Variants in ATP6V1C2 observed in about 807,000 individuals in gnomAD.
The protein encoded by ATP6V1C2 is V-type proton ATPase subunit C 2.
ATP6V1C2 carries 45 observed loss-of-function variants against 56.8 expected under a neutral mutation model. The ratio of observed to expected loss-of-function variants is 0.79; its 90% CI spans 0.62 to 1.02. The LOEUF is 1.02. Among genes scored for constraint, ATP6V1C2 ranks in the 50% least tolerant of loss-of-function variants. The pLI, the probability that ATP6V1C2 is intolerant of heterozygous loss-of-function variation, is 0.00. For synonymous variants in ATP6V1C2, 220 were observed against 201.3 expected, an observed-to-expected ratio of 1.09 and a Z score of -0.79; for missense variants, 463 against 519.7, an observed-to-expected ratio of 0.89 and a Z score of 1.06.
Position 10,764,472 on chromosome 2 carries a change from C to T in ATP6V1C2, c.378+47C>T, listed in dbSNP as rs373771274. The stretch of plus-strand genomic sequence containing the variant: ...GGGAACAGCTGACTGGTGGGTCAGG[C>T]GGGCAAGAGCCTGGGTAGGGCCCCC... On this transcript the variant is annotated intron_variant, in intron 5 of 13. Coordinates refer to ENST00000272238, the MANE Select transcript of ATP6V1C2 (RefSeq NM_001039362.2). The T allele has an allele frequency of 1.1e-4, 168 of 1,540,486 alleles. 1 individual carries two copies. The highest frequency in any genetic ancestry group is 4.0e-4 in the Admixed American group (24 of 59,588).
intron 3 of ATP6V1C2, among the ~76,000 whole-genome samples, chr2:10,747,985 A>G (rs1663015388): frequency 6.6e-6 from 1 of 152,032 alleles, no homozygotes; most frequent in Admixed American, 6.6e-5. Flanking sequence ...CTCAGCCTCA[A>G]AGCTTTCCAG....
intron 4 of ATP6V1C2, among the ~76,000 whole-genome samples, chr2:10,762,769 G>A (rs569645989): frequency 1.3e-5 from 2 of 152,110 alleles, no homozygotes; most frequent in African/African-American, 4.8e-5. Context: ...CAGCCACCCA[G>A]CGAGAAAGCT....
intron 3 of ATP6V1C2, among the ~76,000 whole-genome samples, chr2:10,751,174 C>A (rs1257066996): frequency 6.6e-6 from 1 of 152,008 alleles, no homozygotes; most frequent in African/African-American, 2.4e-5. Flanking sequence ...TTGTCACAAC[C>A]CCTAGGCTGG....
Position 10,772,531 on chromosome 2 carries a change from T to C in ATP6V1C2, c.570-11T>C, listed in dbSNP as rs1349464655. ...TGCAAAAAATCACGTAACGATTCTA[T>C]GTTCTTGCAGACCAAACTACTCACA... On this transcript the variant is annotated splice_polypyrimidine_tract_variant and intron_variant, in intron 7 of 13. Coordinates refer to ENST00000272238, the MANE Select transcript of ATP6V1C2 (RefSeq NM_001039362.2). 1 of 1,612,266 alleles carries C rather than the reference T, an allele frequency of 6.2e-7. No individual in the cohort carries two copies. The highest frequency in any genetic ancestry group is 2.2e-5 in the East Asian group (1 of 44,868).
chr2:10,722,854 C>A lies in ATP6V1C2; in HGVS notation c.5C>A (p.Ser2Ter). ...GGGTAAGAGAAGACTGGAAGCATGT[C>A]GGAGTTTTGGTTAATTTCTGCCCCT... is the stretch of plus-strand genomic sequence containing the variant. The part of the protein sequence containing the change: M[S>*]EFWLISAPGD... Residue 2 changes from serine to a stop codon, truncating the protein, a stop_gained, in exon 2 of 14, where the codon TCG becomes TAG. Transcript: ENST00000272238. LOFTEE classifies it high-confidence loss of function. The A allele has an allele frequency of 6.2e-7, 1 of 1,613,920 alleles. No homozygotes were observed. Among genetic ancestry groups the A allele is most frequent in the Non-Finnish European group, 8.5e-7 (1 of 1,179,974 alleles).
At chr2:10,760,908 G>T (rs1017002560) in intron 4 of ATP6V1C2, among the ~76,000 whole-genome samples, 1 of 152,168 alleles carries the variant, frequency 6.6e-6, no homozygotes, top group Non-Finnish European at 1.5e-5. Context: ...TAGACAGTGC[G>T]AGCTGATACC....
At chr2:10,732,222 C>A (rs569989593) in intron 3 of ATP6V1C2, among the ~76,000 whole-genome samples, 21 of 151,866 alleles carry the variant, frequency 1.4e-4, no homozygotes, top group Middle Eastern at 6.9e-3. Context: ...TCCCTCCATC[C>A]CTCCCTCTCC....
At chr2:10,726,179 C>A (rs993676330) in intron 2 of ATP6V1C2, among the ~76,000 whole-genome samples, 1 of 152,190 alleles carries the variant, frequency 6.6e-6, no homozygotes. Context: ...TGTATCTCTT[C>A]CTCAGCTATG....
At chr2:10,775,903 G>T (rs903006634) in intron 10 of ATP6V1C2, among the ~76,000 whole-genome samples, 1 of 152,144 alleles carries the variant, frequency 6.6e-6, no homozygotes, top group Non-Finnish European at 1.5e-5. Flanking sequence ...GGAATGAGTA[G>T]AAAGTTCTTG....
intron 3 of ATP6V1C2, among the ~76,000 whole-genome samples, chr2:10,733,657 C>T (rs1662087529): frequency 6.6e-6 from 1 of 151,980 alleles, no homozygotes; most frequent in Non-Finnish European, 1.5e-5. Flanking sequence ...AACCTCTCTC[C>T]CTGTTTTAAA....
chr2:10,764,459 C>G (rs369408860), intron 5 of ATP6V1C2, 34 bp downstream of exon 5: 1 of 1,590,170 alleles, frequency 6.3e-7, no homozygotes, highest in African/African-American at 1.3e-5. Flanking sequence ...GAACAGCTGA[C>G]TGGTGGGTCA....
intron 12 of ATP6V1C2, among the ~76,000 whole-genome samples, chr2:10,781,386 G>A (rs1314243937): frequency 1.3e-5 from 2 of 152,166 alleles, no homozygotes; most frequent in Admixed American, 1.3e-4. Flanking sequence ...GCTGAGGCAG[G>A]AGAATCGGTT....
At chr2:10,776,106 CA>C (rs1664951700) in intron 10 of ATP6V1C2, among the ~76,000 whole-genome samples, 1 of 135,238 alleles carries the variant, frequency 7.4e-6, no homozygotes, top group South Asian at 2.5e-4. Flanking sequence ...GCCACCCCGT[CA>C]CAAGCGAGCC....
In ATP6V1C2 at chr2:10,779,064, GAA is replaced by G. The variant is rs201050298; in HGVS notation, c.1061+398_1061+399del. 7.8e-3 allele frequency among the ~76,000 whole-genome samples: 1,185 copies of G among 151,970 alleles called. 21 individuals are homozygous for G. The highest frequency in any genetic ancestry group is 0.028 in the African/African-American group (1,140 of 41,410). On this transcript the variant is annotated intron_variant, in intron 12 of 13. Transcript: ENST00000272238. The stretch of plus-strand genomic sequence containing the variant: ...CGCACCCCTCAAGGCAGTCCAGAGA[GAA>G]AACCAAAACCACACCAACAACAACA...
intron 3 of ATP6V1C2, among the ~76,000 whole-genome samples, chr2:10,749,650 CTG>C (rs1663104086): frequency 2.6e-5 from 4 of 152,142 alleles, no homozygotes; most frequent in African/African-American, 9.7e-5. Context: ...CTTGTTAAAA[CTG>C]TAAATGTTCA....
At chr2:10,735,077 C>A (rs1167895257) in intron 3 of ATP6V1C2, among the ~76,000 whole-genome samples, 1 of 151,508 alleles carries the variant, frequency 6.6e-6, no homozygotes, top group Admixed American at 6.6e-5. Flanking sequence ...AGAGTGAGAC[C>A]CTGTTTGAAA....
chr2:10,783,021 A>C (rs867117512), intron 13 of ATP6V1C2, among the ~76,000 whole-genome samples, 153 bp from the exon 14 acceptor site: 6 of 152,238 alleles, frequency 3.9e-5, no homozygotes, highest in Middle Eastern at 3.4e-3. Context: ...TGTCATACAC[A>C]TTAAAGCACA....
intron 3 of ATP6V1C2, among the ~76,000 whole-genome samples, chr2:10,738,083 G>A (rs188746114): frequency 1.5e-3 from 236 of 152,306 alleles, no homozygotes; most frequent in Non-Finnish European, 2.4e-3. Flanking sequence ...CGTGCTGCCT[G>A]ATGGTTTGTC....
intron 3 of ATP6V1C2, among the ~76,000 whole-genome samples, chr2:10,740,310 G>A (rs1662478529): frequency 6.6e-6 from 1 of 152,144 alleles, no homozygotes; most frequent in Admixed American, 6.6e-5. Context: ...TCCAGTGAGA[G>A]TAAACATATT....
Sources: gnomAD v4.1 joint callset for allele counts (sites outside exome capture counted in the v4.1 genomes callset) on GRCh38, gnomAD v4.1.1 for gene constraint, MANE v1.5 for transcripts, NCBI Gene and HGNC (gene_info 2026-07-23, HGNC 2026-07-21) for gene names.